VRK2: variants seen among roughly 807,000 people sequenced by gnomAD.
VRK2 encodes the protein serine/threonine-protein kinase VRK2.
Under a neutral mutation model 57.6 loss-of-function variants are expected in VRK2, and 60 were observed. The observed-to-expected ratio is 1.04, with a 90% confidence interval of 0.85 to 1.29. The LOEUF (loss-of-function observed/expected upper bound fraction) is 1.29. VRK2 is among the 50% of genes most tolerant of loss of function. The pLI is 0.00. For missense variants in VRK2, 705 were observed against 588.1 expected, an observed-to-expected ratio of 1.20 and a Z score of -2.06; for synonymous variants, 231 against 199.2, an observed-to-expected ratio of 1.16 and a Z score of -1.35.
intron 2 of VRK2, among the ~76,000 whole-genome samples, chr2:58,081,233 TAAGTA>T (rs1320503524): frequency 1.3e-5 from 2 of 151,976 alleles, no homozygotes; most frequent in Non-Finnish European, 2.9e-5. Context: ...ATAACTCAGT[TAAGTA>T]AAGACAAATG....
intron 1 of VRK2, among the ~76,000 whole-genome samples, chr2:57,911,401 C>A (rs186029412): frequency 6.6e-6 from 1 of 152,194 alleles, no homozygotes; most frequent in African/African-American, 2.4e-5. Context: ...ATATTGAAAG[C>A]CTTGAGAAAT....
intron 7 of VRK2, among the ~76,000 whole-genome samples, chr2:58,112,424 G>C (rs1217776927): frequency 1.3e-5 from 2 of 151,996 alleles, no homozygotes; most frequent in Non-Finnish European, 2.9e-5. Context: ...CATCTCCTTT[G>C]TTCTAGCAAA....
At chr2:57,914,886 T>C (rs531603619) in intron 1 of VRK2, among the ~76,000 whole-genome samples, 1 of 152,226 alleles carries the variant, frequency 6.6e-6, no homozygotes, top group African/African-American at 2.4e-5. Context: ...GGGGATTCCA[T>C]AACAACATTT....
intron 1 of VRK2, among the ~76,000 whole-genome samples, chr2:57,933,705 G>T (rs531760770): frequency 6.6e-6 from 1 of 151,668 alleles, no homozygotes; most frequent in Non-Finnish European, 1.5e-5. Flanking sequence ...TCTTTTGATG[G>T]GCAAATATAA....
chr2:57,930,472 G>A (rs1407395414), intron 1 of VRK2, among the ~76,000 whole-genome samples: 1 of 152,146 alleles, frequency 6.6e-6, no homozygotes, highest in Non-Finnish European at 1.5e-5. Context: ...ATTCAAGACT[G>A]TCTTTTCTAT....
intron 1 of VRK2, among the ~76,000 whole-genome samples, chr2:58,006,626 T>A (rs529251882): frequency 1.3e-5 from 2 of 152,032 alleles, no homozygotes; most frequent in African/African-American, 4.8e-5. Context: ...GCAATGGGAG[T>A]AATTGGATCC....
chr2:57,909,780 A>C (rs1669930571), intron 1 of VRK2, among the ~76,000 whole-genome samples: 1 of 152,204 alleles, frequency 6.6e-6, no homozygotes, highest in Non-Finnish European at 1.5e-5. Context: ...TAATGAAGAA[A>C]TCTGTCTTAG....
At chr2:57,982,847 C>T (rs1226054379) in intron 1 of VRK2, among the ~76,000 whole-genome samples, 6 of 152,174 alleles carry the variant, frequency 3.9e-5, no homozygotes, top group African/African-American at 4.8e-5. Context: ...CCAGTGCAGC[C>T]GTTCCCACAC....
At chr2:57,942,355 A>G (rs993907993) in intron 1 of VRK2, among the ~76,000 whole-genome samples, 1 of 152,210 alleles carries the variant, frequency 6.6e-6, no homozygotes, top group African/African-American at 2.4e-5. Context: ...GCTAGTTGCC[A>G]TTATGAATCA....
intron 1 of VRK2, among the ~76,000 whole-genome samples, chr2:57,966,524 A>G (rs1442613870): frequency 6.6e-6 from 1 of 152,226 alleles, no homozygotes; most frequent in African/African-American, 2.4e-5. Context: ...TTTATCCTAT[A>G]AAGAATATTT....
chr2:58,035,377 T>A (rs67484511), intron 3 of VRK2, among the ~76,000 whole-genome samples: 16,569 of 152,006 alleles, frequency 0.11, 1,015 homozygotes, highest in African/African-American at 0.16. Flanking sequence ...TGTTTCGCCT[T>A]TTATCTATTT....
intron 1 of VRK2, among the ~76,000 whole-genome samples, chr2:57,934,834 A>G (rs557766524): frequency 6.6e-6 from 1 of 151,914 alleles, no homozygotes; most frequent in Non-Finnish European, 1.5e-5. Context: ...TGATTCTACC[A>G]CTTGATTAAG....
At chr2:57,948,108 A>T (rs1671316291) in intron 1 of VRK2, among the ~76,000 whole-genome samples, 1 of 152,180 alleles carries the variant, frequency 6.6e-6, no homozygotes, top group Non-Finnish European at 1.5e-5. Context: ...TTATGCAAGG[A>T]TGTTTTATAT....
chr2:57,973,481 C>T (rs916947618), intron 1 of VRK2, among the ~76,000 whole-genome samples: 7 of 151,816 alleles, frequency 4.6e-5, no homozygotes, highest in African/African-American at 9.6e-5. Flanking sequence ...AATACCCATG[C>T]CTTTGGATTT....
chr2:57,955,042 T>C (rs1572901754), intron 1 of VRK2, among the ~76,000 whole-genome samples: 1 of 152,120 alleles, frequency 6.6e-6, no homozygotes, highest in Non-Finnish European at 1.5e-5. Context: ...AACTAGGACA[T>C]GGGGTAACAG....
intron 1 of VRK2, 101 bp downstream of exon 1, chr2:58,046,969 T>C: frequency 1.0e-6 from 1 of 985,366 alleles, no homozygotes; most frequent in Non-Finnish European, 1.2e-6. Context: ...CGGAGTTAGA[T>C]GCCGGGGACT....
intron 1 of VRK2, among the ~76,000 whole-genome samples, chr2:57,934,387 T>C (rs1269338049): frequency 6.6e-6 from 1 of 152,226 alleles, no homozygotes; most frequent in Non-Finnish European, 1.5e-5. Flanking sequence ...AAAGTATTTT[T>C]TTCCAACATG....
chr2:58,029,208 G>A (rs1283502203), intron 2 of VRK2, among the ~76,000 whole-genome samples: 1 of 151,846 alleles, frequency 6.6e-6, no homozygotes, highest in African/African-American at 2.4e-5. Flanking sequence ...TTTGTATTAT[G>A]AATGAAATAG....
intron 1 of VRK2, among the ~76,000 whole-genome samples, chr2:57,979,057 G>C (rs1672336807): frequency 6.6e-6 from 1 of 150,954 alleles, no homozygotes; most frequent in Non-Finnish European, 1.5e-5. Context: ...TCTTTATCCA[G>C]TCTATCATTG....
Sources: allele counts gnomAD v4.1 joint callset (sites outside exome capture counted in the v4.1 genomes callset), GRCh38; gene constraint gnomAD v4.1.1; transcripts MANE v1.5; gene names NCBI Gene and HGNC (gene_info 2026-07-23, HGNC 2026-07-21).